The following CSMD1 variants were observed in gnomAD, a reference collection of about 807,000 sequenced individuals.
CSMD1 encodes CUB and sushi domain-containing protein 1.
Under a neutral mutation model 417.5 loss-of-function variants are expected in CSMD1, and 213 were observed. That is an observed-to-expected ratio of 0.51 (90% confidence interval 0.46 to 0.57). The LOEUF (loss-of-function observed/expected upper bound fraction) is 0.57, where lower values mean the gene tolerates loss of function less well. Ranked by LOEUF, CSMD1 falls within the 20% of genes least tolerant of loss-of-function variation. CSMD1 has a pLI of 0.00. For missense variants in CSMD1, 6,923 were observed against 4,529.7 expected (o/e 1.53, Z -15.17); for synonymous variants, 2,862 against 1,736.8 (o/e 1.65, Z -16.11).
intron 2 of CSMD1, among the ~76,000 whole-genome samples, chr8:4,523,595 G>C (rs73180949): frequency 0.046 from 6,970 of 152,132 alleles, 206 homozygotes; most frequent in Non-Finnish European, 0.061. Flanking sequence ...CAGAATATTA[G>C]TGTGGTAGAA....
At chr8:3,792,036 C>G (rs1033554197) in intron 5 of CSMD1, among the ~76,000 whole-genome samples, 3 of 152,114 alleles carry the variant, frequency 2.0e-5, no homozygotes, top group Non-Finnish European at 4.4e-5. Context: ...AGTCAATTAA[C>G]TTGGGCAACC....
At chr8:4,881,543 T>C (rs1803402505) in intron 1 of CSMD1, among the ~76,000 whole-genome samples, 1 of 151,732 alleles carries the variant, frequency 6.6e-6, no homozygotes, top group Non-Finnish European at 1.5e-5. Context: ...GTTTTTTTTT[T>C]TTTTTTTTAT....
chr8:3,830,727 T>G (rs904253807), intron 5 of CSMD1, among the ~76,000 whole-genome samples: 2 of 152,194 alleles, frequency 1.3e-5, no homozygotes, highest in Non-Finnish European at 2.9e-5. Flanking sequence ...AACTTTGTGT[T>G]TATTAAAATA....
rs1453111810 is a variant in CSMD1, at chr8:4,420,078, G to T, written c.303-13C>A. ...AAATCCCGATAATCTAAATTTAAAA[G>T]ACAAGACACAAAGAGAGTTAAAAGC... is the stretch of plus-strand genomic sequence containing the variant. On this transcript the variant is annotated splice_polypyrimidine_tract_variant and intron_variant, in intron 2 of 69. Transcript: ENST00000635120. 3 of 1,523,028 alleles carry T rather than the reference G, an allele frequency of 2.0e-6. No individual in the cohort carries two copies. The highest frequency in any genetic ancestry group is 1.2e-5 in the South Asian group (1 of 83,504). The allele number at this position is 1,523,028 out of a possible 1,614,324, so 94.3% of individuals were successfully genotyped here.
chr8:4,614,867 T>C (rs1318684665), intron 2 of CSMD1, among the ~76,000 whole-genome samples: 1 of 152,198 alleles, frequency 6.6e-6, no homozygotes, highest in Non-Finnish European at 1.5e-5. Context: ...CCTAAAGATA[T>C]AAAGTATTAT....
At chr8:3,700,474 G>A (rs957075136) in intron 7 of CSMD1, 21 of 152,182 alleles carry the variant, frequency 1.4e-4, no homozygotes, top group Non-Finnish European at 2.2e-4. Context: ...GAAGAAGATA[G>A]AAGGTGTGGA....
intron 2 of CSMD1, among the ~76,000 whole-genome samples, chr8:4,627,309 T>G (rs1020683380): frequency 1.3e-5 from 2 of 152,114 alleles, no homozygotes; most frequent in Non-Finnish European, 2.9e-5. Context: ...AGCTTCAAAC[T>G]TGATCATCCA....
At chr8:4,959,011 G>A (rs1244030477) in intron 1 of CSMD1, among the ~76,000 whole-genome samples, 2 of 152,128 alleles carry the variant, frequency 1.3e-5, no homozygotes, top group Admixed American at 6.6e-5. Flanking sequence ...TTAATTGTAT[G>A]CTTTAACTGA....
chr8:4,311,787 G>A (rs1355406346), intron 3 of CSMD1, among the ~76,000 whole-genome samples: 4 of 151,418 alleles, frequency 2.6e-5, no homozygotes, highest in African/African-American at 7.3e-5. Flanking sequence ...ACATAGAGGG[G>A]AACAACACAC....
chr8:3,849,299 C>T (rs1025726955), intron 5 of CSMD1, among the ~76,000 whole-genome samples: 6 of 151,996 alleles, frequency 3.9e-5, no homozygotes, highest in Non-Finnish European at 7.4e-5. Context: ...AGATACAGGG[C>T]GGACTGGGAA....
At chr8:3,515,657 A>G (rs1039683340) in intron 10 of CSMD1, among the ~76,000 whole-genome samples, 1 of 152,218 alleles carries the variant, frequency 6.6e-6, no homozygotes, top group Non-Finnish European at 1.5e-5. Context: ...CCAACTTGCA[A>G]CAGACCAACT....
chr8:4,493,594 C>T (rs1454494422), intron 2 of CSMD1, among the ~76,000 whole-genome samples: 1 of 152,122 alleles, frequency 6.6e-6, no homozygotes, highest in Admixed American at 6.6e-5. Context: ...CGGCTACTAG[C>T]TGAGGTGGGG....
At chr8:4,720,073 A>C (rs919171040) in intron 1 of CSMD1, among the ~76,000 whole-genome samples, 1 of 151,886 alleles carries the variant, frequency 6.6e-6, no homozygotes, top group African/African-American at 2.4e-5. Flanking sequence ...GCTTTTTCTA[A>C]ATGAAATATT....
chr8:4,196,376 T>G (rs1037603323), intron 3 of CSMD1, among the ~76,000 whole-genome samples: 7 of 152,194 alleles, frequency 4.6e-5, no homozygotes, highest in African/African-American at 1.7e-4. Context: ...TCTGTAGGTC[T>G]GAAATTCAAT....
chr8:3,324,639 A>G (rs1030215651), intron 23 of CSMD1, among the ~76,000 whole-genome samples: 4 of 147,066 alleles, frequency 2.7e-5, no homozygotes, highest in Non-Finnish European at 4.5e-5. Flanking sequence ...AAATAGGCCC[A>G]CACCCCACCC....
chr8:4,081,166 G>C (rs956080140), intron 3 of CSMD1, among the ~76,000 whole-genome samples: 1 of 152,104 alleles, frequency 6.6e-6, no homozygotes, highest in Non-Finnish European at 1.5e-5. Flanking sequence ...CCAGCATTGT[G>C]ATAAATAAAC....
intron 3 of CSMD1, among the ~76,000 whole-genome samples, chr8:4,055,171 C>T (rs7813563): frequency 0.03 from 4,588 of 152,236 alleles, 224 homozygotes; most frequent in African/African-American, 0.1. Context: ...ATGAATTTCT[C>T]ATACGCAGTC....
At chr8:3,635,480 T>A (rs1182072190) in intron 7 of CSMD1, among the ~76,000 whole-genome samples, 1 of 141,080 alleles carries the variant, frequency 7.1e-6, no homozygotes, top group Non-Finnish European at 1.5e-5. Flanking sequence ...CAAGACTCCA[T>A]CTCTTTTTTT....
At chr8:4,120,015 G>A (rs770295499) in intron 3 of CSMD1, among the ~76,000 whole-genome samples, 1 of 152,108 alleles carries the variant, frequency 6.6e-6, no homozygotes, top group Admixed American at 6.6e-5. Context: ...GGTGACGGCA[G>A]TTGATGATAA....
Sources: allele counts gnomAD v4.1 joint callset (sites outside exome capture counted in the v4.1 genomes callset), GRCh38; gene constraint gnomAD v4.1.1; transcripts MANE v1.5; gene names NCBI Gene and HGNC (gene_info 2026-07-23, HGNC 2026-07-21).